Variants in PAK5 observed in about 807,000 individuals in gnomAD.
The protein encoded by PAK5 is serine/threonine-protein kinase PAK 5.
A neutral mutation model predicts 65.9 loss-of-function variants in PAK5; 16 were observed. That is an observed-to-expected ratio of 0.24 (90% CI 0.16 to 0.37). The LOEUF (loss-of-function observed/expected upper bound fraction) is 0.37. Ranked by LOEUF, PAK5 falls within the 10% of genes least tolerant of loss-of-function variation. The probability of loss-of-function intolerance (pLI) is 1.00; values close to 1 mark genes in which losing one functional copy is unlikely to be tolerated. For synonymous variants in PAK5, 371 were observed against 354.9 expected, an observed-to-expected ratio of 1.05 and a Z score of -0.51; for missense variants, 785 against 903.9, an observed-to-expected ratio of 0.87 and a Z score of 1.69.
At chr20:9,776,492 A>T (rs2048888387) in intron 1 of PAK5, among the ~76,000 whole-genome samples, 2 of 152,166 alleles carry the variant, frequency 1.3e-5, no homozygotes, top group Admixed American at 6.5e-5. Context: ...GTAGAACTTA[A>T]TTTCCCTCCT....
At chr20:9,833,288 G>C (rs182718584) in intron 1 of PAK5, among the ~76,000 whole-genome samples, 22 of 152,136 alleles carry the variant, frequency 1.4e-4, no homozygotes, top group African/African-American at 4.3e-4. Context: ...CTGTTTCCAG[G>C]CTCTTCTATT....
At chr20:9,824,496 G>A (rs1197636130) in intron 1 of PAK5, among the ~76,000 whole-genome samples, 1 of 152,178 alleles carries the variant, frequency 6.6e-6, no homozygotes, top group Non-Finnish European at 1.5e-5. Flanking sequence ...GTTTGAACCA[G>A]CACTAAAATT....
intron 2 of PAK5, among the ~76,000 whole-genome samples, chr20:9,699,766 G>C (rs1362697952): frequency 1.3e-5 from 2 of 152,036 alleles, no homozygotes; most frequent in Non-Finnish European, 2.9e-5. Context: ...GAAATATCGT[G>C]TCACATGGGG....
intron 1 of PAK5, among the ~76,000 whole-genome samples, chr20:9,820,223 C>A (rs1184589694): frequency 1.3e-5 from 2 of 152,118 alleles, no homozygotes; most frequent in Non-Finnish European, 2.9e-5. Flanking sequence ...TTATTTCCTC[C>A]TCATAATATC....
At chr20:9,740,573 T>G (rs563675644) in intron 1 of PAK5, among the ~76,000 whole-genome samples, 2 of 152,208 alleles carry the variant, frequency 1.3e-5, no homozygotes, top group Non-Finnish European at 2.9e-5. Context: ...TAAGACTACA[T>G]CTTGAGAGAC....
chr20:9,594,028 T>C (rs1174375475), intron 3 of PAK5, among the ~76,000 whole-genome samples: 1 of 152,234 alleles, frequency 6.6e-6, no homozygotes, highest in East Asian at 1.9e-4. Flanking sequence ...GCCATGCACA[T>C]TGGAATCATC....
Position 9,539,488 on chromosome 20 carries a change from G to T in PAK5, c.2134C>A (p.Leu712Ile), listed in dbSNP as rs202003893. Residue 712 changes from leucine (L) to isoleucine (I), a missense_variant, in exon 10 of 10, where the codon CTC becomes ATC. Physicochemically the swap from Leu to Ile is conservative, Grantham distance 5. Transcript: ENST00000353224. ...CAGTGATGCCTGTATTGTCTCATGAGGGGGACGATGCAAGACGGTGGACCT... is the reference window on the plus strand; with the variant it reads ...CAGTGATGCCTGTATTGTCTCATGATGGGGACGATGCAAGACGGTGGACCT... ...LAGPPSCIVP[L>I]MRQYRHH 1 of 1,614,024 alleles carries T rather than the reference G, an allele frequency of 6.2e-7. No homozygotes were observed.
chr20:9,664,356 A>T (rs1446364923), intron 2 of PAK5, among the ~76,000 whole-genome samples: 1 of 152,144 alleles, frequency 6.6e-6, no homozygotes, highest in Non-Finnish European at 1.5e-5. Context: ...AAATGCTTCA[A>T]CCTCCAATGG....
chr20:9,634,226 G>A (rs2046957115), intron 3 of PAK5, among the ~76,000 whole-genome samples: 1 of 152,122 alleles, frequency 6.6e-6, no homozygotes, highest in Admixed American at 6.5e-5. Flanking sequence ...TGATAGATGT[G>A]ACATCACCCA....
intron 2 of PAK5, among the ~76,000 whole-genome samples, chr20:9,681,373 C>T (rs55665447): frequency 0.013 from 2,022 of 152,052 alleles, 58 homozygotes; most frequent in African/African-American, 0.046. Context: ...AGGGTTTAGT[C>T]CCTTCATATT....
rs1020774088 is a variant in PAK5 at position 9,838,102 on chromosome 20, A to G, written c.-162+660T>C. ...CAATTTTGACAAGAGTTTGGAACCAAGATCCTCTTCCACGCCCTGCTCACA... is the reference window on the plus strand; with the variant it reads ...CAATTTTGACAAGAGTTTGGAACCAGGATCCTCTTCCACGCCCTGCTCACA... On this transcript the variant is annotated intron_variant, in intron 1 of 9. Coordinates refer to ENST00000353224, the MANE Select transcript of PAK5 (RefSeq NM_177990.4). This position sits in a 1 kb window ranked among gnomAD's most constrained non-coding sequence, Gnocchi z 4.5. Among the ~76,000 whole-genome samples, 1 of 152,106 alleles carries G rather than the reference A, an allele frequency of 6.6e-6. No individual in the cohort carries two copies. The highest frequency in any genetic ancestry group is 1.5e-5 in the Non-Finnish European group (1 of 68,024).
chr20:9,635,547 G>A (rs534344468), intron 3 of PAK5, among the ~76,000 whole-genome samples: 8 of 152,218 alleles, frequency 5.3e-5, no homozygotes, highest in African/African-American at 1.7e-4. Context: ...CTGCCACAGG[G>A]TCTTGGGACT....
Position 9,838,675 on chromosome 20 carries a change from TCCGGTTACCAGCGGCGCGCATC to T in PAK5, c.-162+65_-162+86del, listed in dbSNP as rs1028889232. On this transcript the variant is annotated intron_variant, in intron 1 of 9. Coordinates refer to ENST00000353224, the MANE Select transcript of PAK5 (RefSeq NM_177990.4). This position sits in a 1 kb window ranked among gnomAD's most constrained non-coding sequence, Gnocchi z 4.5. ...ATCCTCTCCCGGCAAAGAGAGATGCTCCGGTTACCAGCGGCGCGCATCCCCGCAGGCGCCTCTCCTCTCGCCG... is the reference window on the plus strand; with the variant it reads ...ATCCTCTCCCGGCAAAGAGAGATGCTCCCGCAGGCGCCTCTCCTCTCGCCG... 2 of 152,204 alleles carry T rather than the reference TCCGGTTACCAGCGGCGCGCATC, an allele frequency of 1.3e-5. No individual in the cohort carries two copies. Among genetic ancestry groups the T allele is most frequent in the Non-Finnish European group, 2.9e-5 (2 of 68,118 alleles). 9.4% of individuals were successfully genotyped at this position (152,204 alleles called of 1,614,324 possible). A position where few individuals can be genotyped will look rare whatever the true frequency, so the allele number is the denominator to read the frequency against.
intron 1 of PAK5, among the ~76,000 whole-genome samples, chr20:9,757,757 A>T (rs1274868949): frequency 6.6e-6 from 1 of 152,150 alleles, no homozygotes; most frequent in Non-Finnish European, 1.5e-5. Context: ...GCACATGTAT[A>T]CTGATCTCCT....
intron 3 of PAK5, among the ~76,000 whole-genome samples, chr20:9,620,922 A>T (rs1431349829): frequency 6.8e-6 from 1 of 147,848 alleles, no homozygotes; most frequent in African/African-American, 2.5e-5. Context: ...ATATATTGTA[A>T]CCAAAGGTAT....
At chr20:9,781,489 T>G (rs1227825458) in intron 1 of PAK5, among the ~76,000 whole-genome samples, 1 of 152,112 alleles carries the variant, frequency 6.6e-6, no homozygotes, top group African/African-American at 2.4e-5. Flanking sequence ...GGTTAACTAG[T>G]ATTAAGACCA....
At chr20:9,625,728 G>A (rs1162504857) in intron 3 of PAK5, among the ~76,000 whole-genome samples, 2 of 152,258 alleles carry the variant, frequency 1.3e-5, no homozygotes, top group African/African-American at 2.4e-5. Context: ...ACAGGTGCAT[G>A]CCACTGTGCC....
chr20:9,828,088 G>GTAAT (rs2123784184), intron 1 of PAK5, among the ~76,000 whole-genome samples: 1 of 152,176 alleles, frequency 6.6e-6, no homozygotes, highest in Non-Finnish European at 1.5e-5. Context: ...ACCCACCTCG[G>GTAAT]CCTCCCAGAG....
At chr20:9,698,831 A>G (rs1170117838) in intron 2 of PAK5, among the ~76,000 whole-genome samples, 1 of 152,210 alleles carries the variant, frequency 6.6e-6, no homozygotes, top group Non-Finnish European at 1.5e-5. Flanking sequence ...CATGGAATAA[A>G]ATGCCAAATT....
Sources: allele counts gnomAD v4.1 joint callset (sites outside exome capture counted in the v4.1 genomes callset), GRCh38; gene constraint gnomAD v4.1.1; non-coding constraint Gnocchi (gnomAD v3.1); transcripts MANE v1.5; gene names NCBI Gene and HGNC (gene_info 2026-07-23, HGNC 2026-07-21).